GALNT9: variants seen among roughly 807,000 people sequenced by gnomAD.
The protein encoded by GALNT9 is polypeptide N-acetylgalactosaminyltransferase 9, also known as GalNAc transferase 9.
Under a neutral mutation model 63.1 loss-of-function variants are expected in GALNT9, and 47 were observed. The observed-to-expected ratio is 0.75, with a 90% CI of 0.59 to 0.95. GALNT9 has a LOEUF of 0.95. GALNT9 is among the 40% of genes least tolerant of loss of function. The pLI, the probability that GALNT9 is intolerant of heterozygous loss-of-function variation, is 0.00. For missense variants in GALNT9, 829 were observed against 874.8 expected, an observed-to-expected ratio of 0.95 and a Z score of 0.66; for synonymous variants, 396 against 365.7, an observed-to-expected ratio of 1.08 and a Z score of -0.94.
chr12:132,277,356 A>G (rs1253478575), intron 2 of GALNT9: 1 of 154,868 alleles, frequency 6.5e-6, no homozygotes, highest in Non-Finnish European at 1.5e-5. Flanking sequence ...CCCAAGTGTC[A>G]CCGCGATGCC....
intron 6 of GALNT9, among the ~76,000 whole-genome samples, chr12:132,226,822 A>C (rs1396417936): frequency 8.0e-6 from 1 of 124,582 alleles, no homozygotes. Flanking sequence ...ACATCCCATA[A>C]ACACACCCCA....
chr12:132,321,255 G>A lies in GALNT9; in HGVS notation c.238+7711C>T, dbSNP rs115110903. 9.4e-3 allele frequency among the ~76,000 whole-genome samples: 1,122 copies of A among 118,804 alleles called. 12 individuals are homozygous for A. Among genetic ancestry groups the A allele is most frequent in the African/African-American group, 0.035 (1,076 of 30,722 alleles). The allele number at this position is 118,804 out of a possible 152,430, so 77.9% of individuals were successfully genotyped here. The stretch of plus-strand genomic sequence containing the variant: ...TCGAGGCCCCTGTCGGTCCGGAGTC[G>A]AGGCCCCTGTGGGTCCAGAATCAAG... On this transcript the variant is annotated intron_variant, in intron 1 of 10. Coordinates refer to ENST00000328957, the MANE Select transcript of GALNT9 (RefSeq NM_001122636.2).
At chr12:132,211,683 C>G (rs1161580850) in intron 6 of GALNT9, among the ~76,000 whole-genome samples, 1 of 152,248 alleles carries the variant, frequency 6.6e-6, no homozygotes, top group African/African-American at 2.4e-5. Flanking sequence ...AGGCCCAGAG[C>G]TTCCCAGAGC....
At position 132,197,106 on chromosome 12, in the gene GALNT9, G is replaced by T. The variant is rs1268982053; in HGVS notation, c.*1C>A. The T allele has an allele frequency of 6.2e-7, 1 of 1,614,068 alleles. No individual in the cohort carries two copies. The highest frequency in any genetic ancestry group is 2.2e-5 in the East Asian group (1 of 44,888). ...CTGTGGGGGTCCGGGCGGAGGTGGG[G>T]TCAGTGCCGTGCGTGTTTGATCCAG... On this transcript the variant is annotated 3_prime_UTR_variant, in exon 11 of 11. Coordinates refer to ENST00000328957, the MANE Select transcript of GALNT9 (RefSeq NM_001122636.2).
At chr12:132,224,711 CAGACATACGCCCCATACACCATA>C in intron 6 of GALNT9, among the ~76,000 whole-genome samples, 2 of 138,546 alleles carry the variant, frequency 1.4e-5, no homozygotes, top group East Asian at 2.3e-4. Flanking sequence ...GCATACACAC[CAGACATACGCCCCATACACCATA>C]CACACCCCAC....
rs1255836577 is a variant in GALNT9 at position 132,315,893 on chromosome 12, C to T, written c.238+13073G>A. Among the ~76,000 whole-genome samples, 2 of 152,164 alleles carry T rather than the reference C, an allele frequency of 1.3e-5. No homozygotes were observed. The highest frequency in any genetic ancestry group is 6.5e-5 in the Admixed American group (1 of 15,280). ...ATAAACCCCTGTGCTGGGCCCATTC[C>T]GAGATGCCAATGGGGACTTGGAGCA... On this transcript the variant is annotated intron_variant, in intron 1 of 10. Coordinates refer to ENST00000328957, the MANE Select transcript of GALNT9 (RefSeq NM_001122636.2). This position sits in a 1 kb window ranked among gnomAD's most constrained non-coding sequence, Gnocchi z 6.1.
intron 1 of GALNT9, among the ~76,000 whole-genome samples, chr12:132,307,452 T>A (rs1881653379): frequency 6.6e-6 from 1 of 152,038 alleles, no homozygotes; most frequent in Non-Finnish European, 1.5e-5. Flanking sequence ...CAAAGGGACT[T>A]TACAGACGAG....
intron 1 of GALNT9, among the ~76,000 whole-genome samples, chr12:132,290,671 G>A (rs1880780528): frequency 9.2e-6 from 1 of 108,482 alleles, no homozygotes; most frequent in South Asian, 3.3e-4. Flanking sequence ...CACGTCCACA[G>A]CGCCCACGTC....
chr12:132,202,669 A>G (rs528613354), intron 7 of GALNT9, among the ~76,000 whole-genome samples: 1 of 152,132 alleles, frequency 6.6e-6, no homozygotes, highest in Non-Finnish European at 1.5e-5. Context: ...GGGTTGATGC[A>G]GACAAGCCCG....
chr12:132,294,005 C>T (rs915439085), intron 1 of GALNT9, among the ~76,000 whole-genome samples: 2 of 152,230 alleles, frequency 1.3e-5, no homozygotes, highest in Non-Finnish European at 2.9e-5. Context: ...TGTGAATGGC[C>T]GTGGAAGACC....
chr12:132,267,806 C>T (rs1879679636), intron 2 of GALNT9, among the ~76,000 whole-genome samples: 1 of 146,674 alleles, frequency 6.8e-6, no homozygotes, highest in Admixed American at 6.8e-5. Flanking sequence ...CACACGCACT[C>T]ACACACGCAC....
intron 1 of GALNT9, among the ~76,000 whole-genome samples, chr12:132,303,399 G>A (rs797023542): frequency 0.058 from 6,454 of 110,658 alleles, 386 homozygotes; most frequent in Non-Finnish European, 0.076. Context: ...AGCCTCGCCC[G>A]GGCACACCCT....
At position 132,203,685 on chromosome 12, in the gene GALNT9, C is replaced by A; in HGVS notation, c.1083G>T (p.Trp361Cys). ...GCACCTCCATGCTGCCGCCACACTG[C>A]CACACCTGCGGGGAGACGGCGCTGG... ...GENVELGMRVWQCGGSMEVLP... is the reference protein window; with the variant it reads ...GENVELGMRVCQCGGSMEVLP... Residue 361 changes from tryptophan (W) to cysteine (C), a missense_variant, in exon 7 of 11, where the codon TGG becomes TGT. Trp to Cys is a radical substitution (Grantham distance 215, BLOSUM62 -2). Transcript: ENST00000328957. 6.2e-7 allele frequency: 1 copy of A among 1,612,156 alleles called. No homozygotes were observed.
At chr12:132,320,448 C>T (rs1480956681) in intron 1 of GALNT9, among the ~76,000 whole-genome samples, 2 of 152,268 alleles carry the variant, frequency 1.3e-5, no homozygotes, top group Non-Finnish European at 2.9e-5. Flanking sequence ...TATTACTTAA[C>T]AGTTTCTTTT....
intron 6 of GALNT9, among the ~76,000 whole-genome samples, chr12:132,219,720 C>G (rs998426921): frequency 7.0e-6 from 1 of 142,970 alleles, no homozygotes; most frequent in Admixed American, 6.8e-5. Flanking sequence ...GGGACACCTC[C>G]CCAGGGTGAC....
intron 2 of GALNT9, among the ~76,000 whole-genome samples, chr12:132,281,403 G>A (rs1480167788): frequency 6.6e-6 from 1 of 152,216 alleles, no homozygotes; most frequent in Non-Finnish European, 1.5e-5. Context: ...GCAGGGGTGG[G>A]CTGGGTGTGG....
intron 6 of GALNT9, among the ~76,000 whole-genome samples, chr12:132,209,168 C>G (rs58720174): frequency 0.032 from 4,912 of 152,158 alleles, 249 homozygotes; most frequent in African/African-American, 0.11. Context: ...TGAAGGCACT[C>G]TAAGTCACAG....
intron 1 of GALNT9, among the ~76,000 whole-genome samples, chr12:132,305,727 T>C (rs1555244589): frequency 6.6e-6 from 1 of 152,064 alleles, no homozygotes; most frequent in Non-Finnish European, 1.5e-5. Flanking sequence ...CTGGGTGGCC[T>C]CCTGGAGCTC....
chr12:132,325,428 T>G (rs1212724828), intron 1 of GALNT9, among the ~76,000 whole-genome samples: 1 of 152,098 alleles, frequency 6.6e-6, no homozygotes, highest in African/African-American at 2.4e-5. Context: ...GGGGGATGCA[T>G]GAGGCACGTG....
Sources: gnomAD v4.1 joint callset for allele counts (sites outside exome capture counted in the v4.1 genomes callset) on GRCh38, gnomAD v4.1.1 for gene constraint, Gnocchi (gnomAD v3.1) non-coding constraint, MANE v1.5 for transcripts, NCBI Gene and HGNC (gene_info 2026-07-23, HGNC 2026-07-21) for gene names.